Variants in RNF212 observed in about 807,000 individuals in gnomAD.
The protein encoded by RNF212 is probable E3 SUMO-protein ligase RNF212.
Under a neutral mutation model 34.7 loss-of-function variants are expected in RNF212, and 33 were observed. The ratio of observed to expected loss-of-function variants is 0.95; its 90% CI spans 0.72 to 1.27. The LOEUF (loss-of-function observed/expected upper bound fraction) is 1.27. Ranked by LOEUF, RNF212 falls within the 50% of genes most tolerant of loss-of-function variation. The pLI is 0.00. For missense variants in RNF212, 377 were observed against 362.2 expected (o/e 1.04, Z -0.33); for synonymous variants, 140 against 136.1 (o/e 1.03, Z -0.20).
chr4:1,060,565 C>G (rs1717683440), intron 3 of RNF212, among the ~76,000 whole-genome samples: 1 of 152,054 alleles, frequency 6.6e-6, no homozygotes, highest in Non-Finnish European at 1.5e-5. Context: ...ACCATTCCCA[C>G]AACATCTTCC....
intron 5 of RNF212, among the ~76,000 whole-genome samples, chr4:1,085,314 G>A (rs1346924137): frequency 6.6e-6 from 1 of 152,188 alleles, no homozygotes; most frequent in Non-Finnish European, 1.5e-5. Flanking sequence ...GCAAAAGCAC[G>A]GATGAGCTAA....
intron 3 of RNF212, among the ~76,000 whole-genome samples, chr4:1,095,158 C>T (rs1274505463): frequency 4.2e-4 from 47 of 111,656 alleles, no homozygotes; most frequent in East Asian, 1.2e-3. Context: ...CAAGCACGCC[C>T]CCCACAGCTC....
intron 3 of RNF212, chr4:1,093,801 G>T: frequency 6.5e-7 from 1 of 1,536,322 alleles, no homozygotes; most frequent in South Asian, 1.2e-5. Context: ...AGGGTGAGGG[G>T]GTGAGGTGCG....
At chr4:1,086,953 C>T (rs933640983) in intron 4 of RNF212, among the ~76,000 whole-genome samples, 1 of 294 alleles carries the variant, frequency 3.4e-3, no homozygotes, top group Non-Finnish European at 5.1e-3. Context: ...AGGATGGGGT[C>T]GGGGAGAGAG....
At chr4:1,077,888 C>A (rs528630581) in intron 8 of RNF212, among the ~76,000 whole-genome samples, 1 of 152,256 alleles carries the variant, frequency 6.6e-6, no homozygotes, top group South Asian at 2.1e-4. Context: ...CCCGTGTTGC[C>A]GGTGGGTGTG....
downstream of RNF212, among the ~76,000 whole-genome samples, chr4:1,069,523 G>A (rs1452194360): frequency 2.0e-5 from 3 of 152,168 alleles, no homozygotes; most frequent in African/African-American, 7.2e-5. Flanking sequence ...CGACCAAGGT[G>A]AACATCCTCC....
At chr4:1,069,093 C>T (rs1288532835), downstream of RNF212, among the ~76,000 whole-genome samples, 1 of 152,076 alleles carries the variant, frequency 6.6e-6, no homozygotes, top group Admixed American at 6.5e-5. Flanking sequence ...TGCCTATAGT[C>T]CCAGCTACTT....
chr4:1,072,728 C>A lies in RNF212; in HGVS notation c.*146G>T. Reference sequence around the variant, plus strand: ...AATTCAAAGGTCAAATATAAAATTACAAAGCAAATTGGGTAAAAGGTTAAT... The same window carrying A: ...AATTCAAAGGTCAAATATAAAATTAAAAAGCAAATTGGGTAAAAGGTTAAT... On this transcript the variant is annotated 3_prime_UTR_variant, in exon 10 of 10. Coordinates refer to ENST00000433731, the MANE Select transcript of RNF212 (RefSeq NM_001131034.4). 7.1e-7 allele frequency: 1 copy of A among 1,412,288 alleles called. No individual in the cohort carries two copies. Among genetic ancestry groups the A allele is most frequent in the Non-Finnish European group, 9.2e-7 (1 of 1,085,664 alleles). The allele number at this position is 1,412,288 out of a possible 1,614,324, so 87.5% of individuals were successfully genotyped here. A position where few individuals can be genotyped will look rare whatever the true frequency, so the allele number is the denominator to read the frequency against.
At chr4:1,080,145 T>A (rs1271824261) in intron 7 of RNF212, among the ~76,000 whole-genome samples, 1 of 152,232 alleles carries the variant, frequency 6.6e-6, no homozygotes, top group East Asian at 1.9e-4. Context: ...TTCCTTCATT[T>A]GCCAAAGGCA....
chr4:1,087,811 T>C (rs1721578849), intron 4 of RNF212, among the ~76,000 whole-genome samples: 1 of 151,826 alleles, frequency 6.6e-6, no homozygotes, highest in Non-Finnish European at 1.5e-5. Flanking sequence ...GGTTTAAAAG[T>C]GTTTGGCAGT....
At chr4:1,093,507 G>T in intron 3 of RNF212, 1 of 1,503,604 alleles carries the variant, frequency 6.7e-7, no homozygotes. Context: ...CTGACAAACA[G>T]TGGGGCCACG....
intron 3 of RNF212, among the ~76,000 whole-genome samples, chr4:1,092,767 C>T (rs1015543140): frequency 3.3e-5 from 5 of 152,220 alleles, no homozygotes; most frequent in Non-Finnish European, 5.9e-5. Flanking sequence ...GGTGCTCACG[C>T]GTGCTTTGCC....
chr4:1,061,880 C>T (rs945401160), intron 3 of RNF212, among the ~76,000 whole-genome samples: 2 of 152,208 alleles, frequency 1.3e-5, no homozygotes, highest in African/African-American at 2.4e-5. Flanking sequence ...GTCCAGATTG[C>T]AGCCCCAAAT....
At chr4:1,067,867 CAAA>C (rs1183457508), downstream of RNF212, among the ~76,000 whole-genome samples, 6 of 60,646 alleles carry the variant, frequency 9.9e-5, no homozygotes, top group Non-Finnish European at 7.3e-5. Context: ...GACTCTGTCT[CAAA>C]AAAAAAAAAA....
chr4:1,060,482 G>A (rs1717679332), intron 3 of RNF212, among the ~76,000 whole-genome samples: 3 of 152,222 alleles, frequency 2.0e-5, no homozygotes, highest in Non-Finnish European at 2.9e-5. Flanking sequence ...GCCCTGAGGT[G>A]GGAGGAGCTC....
At chr4:1,107,927 T>G (rs1410797863) in intron 2 of RNF212, among the ~76,000 whole-genome samples, 5 of 152,236 alleles carry the variant, frequency 3.3e-5, no homozygotes, top group African/African-American at 1.2e-4. Context: ...CAAGTTAAAC[T>G]GAATATTTTA....
intron 2 of RNF212, among the ~76,000 whole-genome samples, chr4:1,105,216 G>A (rs1032342678): frequency 1.3e-5 from 2 of 152,100 alleles, no homozygotes; most frequent in South Asian, 2.1e-4. Context: ...TGTAAAAACC[G>A]GCCCGGTCTA....
rs1338028701 is a variant in RNF212, at chr4:1,101,625, ACAT to A, written c.172-4789_172-4787del. ...AAATTAAAATTCCACACCACTCGTG[ACAT>A]CATCTGCTACATCGTCATCTATTGC... is the stretch of plus-strand genomic sequence containing the variant. On this transcript the variant is annotated intron_variant, in intron 2 of 9. Coordinates refer to ENST00000433731, the MANE Select transcript of RNF212 (RefSeq NM_001131034.4). 8.7e-5 allele frequency: 17 copies of A among 196,098 alleles called. No individual in the cohort carries two copies. In the East Asian group the frequency reaches 2.2e-3, roughly 25 times the overall value. The allele number at this position is 196,098 out of a possible 1,614,324, so 12.1% of individuals were successfully genotyped here. A position where few individuals can be genotyped will look rare whatever the true frequency, so the allele number is the denominator to read the frequency against.
At chr4:1,101,113 G>C (rs1261584143) in intron 2 of RNF212, 2 of 163,410 alleles carry the variant, frequency 1.2e-5, no homozygotes, top group Admixed American at 6.3e-5. Flanking sequence ...CAGGAATTGA[G>C]TTGGTGTGAC....
Sources: gnomAD v4.1 joint callset for allele counts (sites outside exome capture counted in the v4.1 genomes callset) on GRCh38, gnomAD v4.1.1 for gene constraint, MANE v1.5 for transcripts, NCBI Gene and HGNC (gene_info 2026-07-23, HGNC 2026-07-21) for gene names.